PITRM1: variants seen among roughly 807,000 people sequenced by gnomAD.
PITRM1 encodes pitrilysin metallopeptidase 1.
Under a neutral mutation model 129.9 loss-of-function variants are expected in PITRM1, and 100 were observed. That is an observed-to-expected ratio of 0.77 (90% CI 0.65 to 0.91). The LOEUF (loss-of-function observed/expected upper bound fraction) is 0.91. PITRM1 is among the 40% of genes least tolerant of loss of function. The probability of loss-of-function intolerance (pLI) is 0.00; values close to 1 mark genes in which losing one functional copy is unlikely to be tolerated. For missense variants in PITRM1, 1,471 were observed against 1,318.3 expected, an observed-to-expected ratio of 1.12 and a Z score of -1.79; for synonymous variants, 591 against 508.8, an observed-to-expected ratio of 1.16 and a Z score of -2.17.
Position 3,158,918 on chromosome 10 carries a change from C to T in PITRM1, c.1132G>A (p.Val378Ile), listed in dbSNP as rs1189611999. 1.2e-6 allele frequency: 2 copies of T among 1,612,874 alleles called. No individual in the cohort carries two copies. The highest frequency in any genetic ancestry group is 8.5e-7 in the Non-Finnish European group (1 of 1,179,468). ...CTAATCTAATCATAAACTCACCCAA[C>T]ATCAGGAGAAAAGTCTGTGCCAAGG... The part of the protein sequence containing the change: ...SGLGTDFSPD[V>I]GYNGYTREAY... The change falls in exon 10 of 27, where the codon GTT becomes ATT. Residue 378 changes from valine to isoleucine, a missense_variant. Val to Ile is a conservative substitution (Grantham distance 29, BLOSUM62 3). Transcript: ENST00000224949.
chr10:3,145,952 C>T, intron 20 of PITRM1: 1 of 504,054 alleles, frequency 2.0e-6, no homozygotes, highest in Admixed American at 3.5e-5. Flanking sequence ...ATACGCGGAG[C>T]CTGTGACTCT....
chr10:3,149,207 C>T (rs1841248326), intron 16 of PITRM1: 1 of 159,698 alleles, frequency 6.3e-6, no homozygotes, highest in Admixed American at 6.1e-5. Flanking sequence ...GTTTCCAGAT[C>T]TGTGCACACC....
intron 14 of PITRM1, among the ~76,000 whole-genome samples, chr10:3,152,474 G>C (rs1336294725): frequency 6.6e-6 from 1 of 152,158 alleles, no homozygotes; most frequent in South Asian, 2.1e-4. Context: ...ACTTAGACAC[G>C]GGACCTTGGG....
chr10:3,143,924 G>A (rs1173968044), intron 22 of PITRM1: 1 of 518,532 alleles, frequency 1.9e-6, no homozygotes, highest in South Asian at 1.8e-5. Context: ...CTGAGTCGCG[G>A]AAAGGATCTG....
chr10:3,160,105 C>T (rs1842323303), intron 8 of PITRM1, 99 bp downstream of exon 8: 4 of 1,374,082 alleles, frequency 2.9e-6, no homozygotes, highest in Non-Finnish European at 4.0e-6. Context: ...TACTCTGTAC[C>T]AAACATGACA....
intron 7 of PITRM1, chr10:3,163,312 G>A (rs1388056375): frequency 1.3e-5 from 2 of 153,552 alleles, no homozygotes; most frequent in African/African-American, 4.8e-5. Context: ...AGAAAGTGAG[G>A]ATGTAATTAA....
At chr10:3,141,673 G>C (rs1436309949) in intron 23 of PITRM1, 3 of 470,748 alleles carry the variant, frequency 6.4e-6, no homozygotes, top group Non-Finnish European at 1.3e-5. Flanking sequence ...CACAGACACA[G>C]GCTCCTTGAA....
chr10:3,151,494 T>A, intron 14 of PITRM1, 131 bp from the exon 15 acceptor site: 1 of 631,292 alleles, frequency 1.6e-6, no homozygotes. Context: ...ACAGGAGCAC[T>A]GTGGTTTGCA....
intron 16 of PITRM1, 22 bp from the exon 17 acceptor site, chr10:3,148,313 G>T (rs368734665): frequency 6.3e-7 from 1 of 1,577,274 alleles, no homozygotes; most frequent in Admixed American, 1.9e-5. Flanking sequence ...GAGAAGCATC[G>T]CCCCGATTAC....
chr10:3,152,925 C>A (rs946734383), intron 14 of PITRM1, among the ~76,000 whole-genome samples: 6 of 152,272 alleles, frequency 3.9e-5, no homozygotes, highest in Non-Finnish European at 8.8e-5. Flanking sequence ...ACATCACACA[C>A]TCCCTGATGG....
At chr10:3,156,830 CAG>C (rs1257737300) in intron 13 of PITRM1, 98 bp downstream of exon 13, 1 of 723,584 alleles carries the variant, frequency 1.4e-6, no homozygotes, top group African/African-American at 1.9e-5. Context: ...CACCCATTAA[CAG>C]AAATTACTTA....
chr10:3,157,600 G>T, intron 11 of PITRM1, 69 bp from the exon 12 acceptor site: 1 of 1,005,460 alleles, frequency 9.9e-7, no homozygotes, highest in Non-Finnish European at 1.5e-6. Context: ...CCAGCACTTT[G>T]GGAGGCCAAG....
intron 2 of PITRM1, among the ~76,000 whole-genome samples, chr10:3,168,588 G>A (rs978809838): frequency 1.2e-4 from 17 of 147,088 alleles, no homozygotes; most frequent in African/African-American, 3.7e-4. Context: ...TCAAGAGGGC[G>A]GTTTCCTCCA....
chr10:3,151,203 C>T (rs759231509), intron 15 of PITRM1, 44 bp downstream of exon 15: 8 of 1,098,992 alleles, frequency 7.3e-6, no homozygotes, highest in Non-Finnish European at 1.1e-5. Flanking sequence ...TTTAATTCCC[C>T]CAAGGAACCC....
At chr10:3,155,978 A>C (rs143413656) in intron 13 of PITRM1, among the ~76,000 whole-genome samples, 1 of 152,190 alleles carries the variant, frequency 6.6e-6, no homozygotes, top group African/African-American at 2.4e-5. Flanking sequence ...TTCTACTGTT[A>C]TTATTATTAT....
chr10:3,172,622 G>T, intron 1 of PITRM1, 95 bp downstream of exon 1: 1 of 1,147,676 alleles, frequency 8.7e-7, no homozygotes, highest in Non-Finnish European at 1.2e-6. Flanking sequence ...GCCAGCCCCG[G>T]GCGCAGGGAC....
At chr10:3,143,331 C>T (rs915127575) in intron 23 of PITRM1, 58 bp downstream of exon 23, 6 of 1,114,534 alleles carry the variant, frequency 5.4e-6, no homozygotes, top group Non-Finnish European at 6.9e-6. Flanking sequence ...CTCGAACAGC[C>T]TTGACAAGCT....
At chr10:3,171,876 T>C (rs1364709447) in intron 1 of PITRM1, among the ~76,000 whole-genome samples, 1 of 152,222 alleles carries the variant, frequency 6.6e-6, no homozygotes, top group African/African-American at 2.4e-5. Context: ...TAATTATTAT[T>C]CTCTCCAATT....
chr10:3,160,412 G>A lies in PITRM1; in HGVS notation c.792-82C>T. The A allele has an allele frequency of 2.7e-6, 3 of 1,126,224 alleles. No homozygotes were observed. In the South Asian group the frequency reaches 4.0e-5, roughly 15 times the overall value. 69.8% of individuals were successfully genotyped at this position (1,126,224 alleles called of 1,614,324 possible). ...GTGCTGTCTGTTTCACTGAAACACA[G>A]CACAGGAGTGCCCCTTACCCAAGGT... On this transcript the variant is annotated intron_variant, in intron 7 of 26. Transcript: ENST00000224949.
Sources: gnomAD v4.1 joint callset for allele counts (sites outside exome capture counted in the v4.1 genomes callset) on GRCh38, gnomAD v4.1.1 for gene constraint, MANE v1.5 for transcripts, NCBI Gene and HGNC (gene_info 2026-07-23, HGNC 2026-07-21) for gene names.